KDM4A: variants seen among roughly 807,000 people sequenced by gnomAD.
KDM4A encodes the protein lysine demethylase 4A.
In KDM4A, 23 loss-of-function variants were observed where a neutral mutation model predicts 127.1. The observed-to-expected ratio is 0.18, with a 90% confidence interval of 0.13 to 0.26. The LOEUF (loss-of-function observed/expected upper bound fraction) is 0.26. Among genes scored for constraint, KDM4A ranks in the 10% least tolerant of loss-of-function variants. The pLI, the probability that KDM4A is intolerant of heterozygous loss-of-function variation, is 1.00. For missense variants in KDM4A, 890 were observed against 1,329.1 expected (o/e 0.67, Z 5.14); for synonymous variants, 443 against 466.5 (o/e 0.95, Z 0.65).
chr1:43,701,250 T>A (rs1263547441), intron 19 of KDM4A, among the ~76,000 whole-genome samples: 2 of 152,096 alleles, frequency 1.3e-5, no homozygotes, highest in East Asian at 3.9e-4. Flanking sequence ...TTTGTTAGTA[T>A]CACTAATAAT....
chr1:43,679,417 G>A (rs1660808526), intron 11 of KDM4A, among the ~76,000 whole-genome samples: 1 of 152,108 alleles, frequency 6.6e-6, no homozygotes, highest in Non-Finnish European at 1.5e-5. Context: ...CAAGGTTTGG[G>A]GGCAGAAGCT....
intron 6 of KDM4A, 191 bp from the exon 7 acceptor site, chr1:43,666,261 C>T: frequency 7.1e-6 from 4 of 564,572 alleles, no homozygotes; most frequent in Non-Finnish European, 9.3e-6. Flanking sequence ...ACGTAATGCC[C>T]TACATGGGAG....
rs778634206 is a variant in KDM4A at position 43,704,448 on chromosome 1, G to T, written c.*78G>T. The stretch of plus-strand genomic sequence containing the variant: ...TTCCACAGCACAGCAGACATGGAAC[G>T]CTGAAGTCTCTGAAAGTGAAGTTGT... On this transcript the variant is annotated 3_prime_UTR_variant, in exon 22 of 22. Transcript: ENST00000372396. 5 of 1,401,946 alleles carry T rather than the reference G, an allele frequency of 3.6e-6. No individual in the cohort carries two copies. The highest frequency in any genetic ancestry group is 4.9e-6 in the Non-Finnish European group (5 of 1,021,350). 86.8% of individuals were successfully genotyped at this position (1,401,946 alleles called of 1,614,324 possible).
chr1:43,695,371 T>C (rs1341173889), intron 18 of KDM4A, among the ~76,000 whole-genome samples: 1 of 152,124 alleles, frequency 6.6e-6, no homozygotes, highest in Non-Finnish European at 1.5e-5. Flanking sequence ...CTGAAGAGGA[T>C]TGGGTAGACG....
chr1:43,672,381 G>T (rs1053094834), intron 11 of KDM4A, among the ~76,000 whole-genome samples: 13 of 151,990 alleles, frequency 8.6e-5, no homozygotes, highest in Admixed American at 2.6e-4. Context: ...TAGAGACAGG[G>T]TTTCACCATG....
chr1:43,694,131 C>T lies in KDM4A; in HGVS notation c.2484+29C>T. On this transcript the variant is annotated intron_variant, in intron 17 of 21. Coordinates refer to ENST00000372396, the MANE Select transcript of KDM4A (RefSeq NM_014663.3). The surrounding 1 kb of genome is among the most constrained non-coding windows in gnomAD (Gnocchi z 5.2). ...AGGGCTTGTAGACTCTACATAATTT[C>T]CCGACTTACAAGTTTCTGGGTAGAA... 1 of 1,569,326 alleles carries T rather than the reference C, an allele frequency of 6.4e-7. No individual in the cohort carries two copies.
At chr1:43,664,147 G>A (rs1439692329) in intron 5 of KDM4A, among the ~76,000 whole-genome samples, 1 of 152,182 alleles carries the variant, frequency 6.6e-6, no homozygotes, top group Non-Finnish European at 1.5e-5. Context: ...TCAAAGAGGT[G>A]ACAAGTGAGA....
chr1:43,667,361 T>C (rs1660522207), intron 8 of KDM4A, among the ~76,000 whole-genome samples: 1 of 152,198 alleles, frequency 6.6e-6, no homozygotes, highest in Non-Finnish European at 1.5e-5. Flanking sequence ...CATTCCGAGA[T>C]TTCTCTGTTG....
intron 19 of KDM4A, among the ~76,000 whole-genome samples, 192 bp downstream of exon 19, chr1:43,698,205 A>G (rs188133792): frequency 4.3e-4 from 65 of 152,204 alleles, no homozygotes; most frequent in African/African-American, 1.5e-3. Flanking sequence ...AGGGTACCCT[A>G]TTTTCCCTAG....
chr1:43,690,494 C>T (rs146581361), intron 13 of KDM4A: 60 of 349,274 alleles, frequency 1.7e-4, no homozygotes, highest in African/African-American at 8.4e-4. Context: ...GTGATCCACC[C>T]GCCTCGGCCT....
At chr1:43,681,926 G>A (rs561073796) in intron 11 of KDM4A, among the ~76,000 whole-genome samples, 66 of 152,320 alleles carry the variant, frequency 4.3e-4, no homozygotes, top group African/African-American at 1.6e-3. Context: ...TGTCGGGCAA[G>A]TATGGGTTTT....
intron 9 of KDM4A, among the ~76,000 whole-genome samples, 169 bp downstream of exon 9, chr1:43,668,188 C>T (rs1036210950): frequency 1.3e-5 from 2 of 151,970 alleles, no homozygotes; most frequent in African/African-American, 2.4e-5. Context: ...TGCAGTGGTG[C>T]GATCTCGGCT....
rs36019990 is a variant in KDM4A at position 43,659,879 on chromosome 1, G to A, written c.315-419G>A. Among the ~76,000 whole-genome samples the A allele has an allele frequency of 7.1e-3, 1,083 of 152,294 alleles. 8 individuals carry two copies. The highest frequency in any genetic ancestry group is 0.01 in the Non-Finnish European group (702 of 68,022). ...GCAGCTTCCTTTTGGCTGGTTCAGG[G>A]AGGTGAATGCTGTTGGAAAGCCTTA... On this transcript the variant is annotated intron_variant, in intron 3 of 21. Transcript: ENST00000372396.
At position 43,694,949 on chromosome 1, in the gene KDM4A, C is replaced by G. The variant is rs1557919974; in HGVS notation, c.2670+55C>G. 4.7e-6 allele frequency: 7 copies of G among 1,487,978 alleles called. No individual in the cohort carries two copies. The South Asian group carries it at 7.3e-5, about 16-fold the overall frequency. The allele number at this position is 1,487,978 out of a possible 1,614,324, so 92.2% of individuals were successfully genotyped here. A position where few individuals can be genotyped will look rare whatever the true frequency, so the allele number is the denominator to read the frequency against. ...TTGACAGTTTTCATGGTCATTTTCT[C>G]TGCATGTTTTCCATTTGTTGTATCA... On this transcript the variant is annotated intron_variant, in intron 18 of 21. Coordinates refer to ENST00000372396, the MANE Select transcript of KDM4A (RefSeq NM_014663.3). The surrounding 1 kb of genome is among the most constrained non-coding windows in gnomAD (Gnocchi z 5.2).
chr1:43,698,020 T>C lies in KDM4A; in HGVS notation c.2841+7T>C. 1 of 1,610,848 alleles carries C rather than the reference T, an allele frequency of 6.2e-7. No individual in the cohort carries two copies. Among genetic ancestry groups the C allele is most frequent in the African/African-American group, 1.3e-5 (1 of 74,736 alleles). On this transcript the variant is annotated splice_region_variant and intron_variant, in intron 19 of 21. Transcript: ENST00000372396. ...TTATCCTGAGGACATAGTGGTAATA[T>C]CTGCAAGGAGCTTCTCAGGCAGTTT...
At chr1:43,656,329 GTTTTT>G (rs11438925) in intron 3 of KDM4A, among the ~76,000 whole-genome samples, 3 of 54,154 alleles carry the variant, frequency 5.5e-5, no homozygotes, top group South Asian at 6.5e-4. Context: ...TCTGCTGTTG[GTTTTT>G]TTTTTTTTTT....
At chr1:43,672,068 CCAGCTTGTTCTTTGCTG>C (rs1376846331) in intron 11 of KDM4A, among the ~76,000 whole-genome samples, 193 bp downstream of exon 11, 2 of 152,190 alleles carry the variant, frequency 1.3e-5, no homozygotes, top group African/African-American at 2.4e-5. Flanking sequence ...ATTCACTCTC[CCAGCTTGTTCTTTGCTG>C]GGAGTTGCTT....
intron 16 of KDM4A, 142 bp downstream of exon 16, chr1:43,692,453 A>T: frequency 1.4e-6 from 1 of 719,368 alleles, no homozygotes; most frequent in Non-Finnish European, 2.3e-6. Context: ...AGCATCTCCA[A>T]GACTCATTTT....
At chr1:43,672,582 C>T (rs965277499) in intron 11 of KDM4A, among the ~76,000 whole-genome samples, 1 of 151,792 alleles carries the variant, frequency 6.6e-6, no homozygotes, top group Non-Finnish European at 1.5e-5. Context: ...GCAAGCTCCG[C>T]CTCCTGGGTT....
Sources: gnomAD v4.1 joint callset for allele counts (sites outside exome capture counted in the v4.1 genomes callset) on GRCh38, gnomAD v4.1.1 for gene constraint, Gnocchi (gnomAD v3.1) non-coding constraint, MANE v1.5 for transcripts, NCBI Gene and HGNC (gene_info 2026-07-23, HGNC 2026-07-21) for gene names.